The following TENM3 variants were observed in gnomAD, a reference collection of about 807,000 sequenced individuals.
TENM3 encodes teneurin transmembrane protein 3.
Under a neutral mutation model 255.1 loss-of-function variants are expected in TENM3, and 63 were observed. That is an observed-to-expected ratio of 0.25 (90% CI 0.20 to 0.30). The LOEUF is 0.30. TENM3 is among the 10% of genes least tolerant of loss of function. The pLI is 1.00. For synonymous variants in TENM3, 1,306 were observed against 1,322.3 expected, an observed-to-expected ratio of 0.99 and a Z score of 0.27; for missense variants, 2,929 against 3,461.1, an observed-to-expected ratio of 0.85 and a Z score of 3.86.
At chr4:181,906,350 C>A in the TENM3 span, 1 of 203,722 alleles carries the variant, frequency 4.9e-6, no homozygotes. Flanking sequence ...TCAAGTGTCT[C>A]CTCCTGTACG....
chr4:182,267,229 T>C (rs1759299888), intron 1 of TENM3, among the ~76,000 whole-genome samples: 1 of 152,222 alleles, frequency 6.6e-6, no homozygotes, highest in African/African-American at 2.4e-5. Flanking sequence ...GTTGAGTGTA[T>C]GCCTATGAAC....
intron 3 of TENM3, among the ~76,000 whole-genome samples, chr4:182,525,616 T>A (rs1407536155): frequency 1.3e-5 from 2 of 152,250 alleles, no homozygotes; most frequent in Admixed American, 1.3e-4. Context: ...TGTGTGTATG[T>A]ACACCCGTCC....
At chr4:181,561,717 T>A in the TENM3 span, among the ~76,000 whole-genome samples, 1 of 152,224 alleles carries the variant, frequency 6.6e-6, no homozygotes, top group East Asian at 1.9e-4. Flanking sequence ...AATGTTGGAC[T>A]TCCTATTATT....
chr4:181,696,395 T>C, the TENM3 span, among the ~76,000 whole-genome samples: 1 of 152,234 alleles, frequency 6.6e-6, no homozygotes, highest in South Asian at 2.1e-4. Flanking sequence ...AAGGGGACAT[T>C]GTCTCCAAAG....
chr4:181,581,545 T>C, the TENM3 span, among the ~76,000 whole-genome samples: 1 of 152,142 alleles, frequency 6.6e-6, no homozygotes, highest in African/African-American at 2.4e-5. Flanking sequence ...AGACATACCA[T>C]AGAAGACCAA....
chr4:182,121,646 C>T, the TENM3 span, among the ~76,000 whole-genome samples: 2 of 152,198 alleles, frequency 1.3e-5, no homozygotes, highest in African/African-American at 4.8e-5. Context: ...AATGTACATA[C>T]CTTAAGTTTT....
chr4:182,073,968 G>C, the TENM3 span, among the ~76,000 whole-genome samples: 1 of 152,240 alleles, frequency 6.6e-6, no homozygotes, highest in South Asian at 2.1e-4. Context: ...TTAAGTTTGT[G>C]GCTGGCCTTT....
chr4:181,843,278 A>G, the TENM3 span, among the ~76,000 whole-genome samples: 1 of 152,240 alleles, frequency 6.6e-6, no homozygotes, highest in Non-Finnish European at 1.5e-5. Context: ...AGAAAACACT[A>G]GAGCTTTACT....
chr4:182,376,951 G>C (rs1475869881), intron 3 of TENM3, among the ~76,000 whole-genome samples: 1 of 152,196 alleles, frequency 6.6e-6, no homozygotes, highest in Non-Finnish European at 1.5e-5. Flanking sequence ...TTGGCACTGT[G>C]TAGTCAGAAT....
the TENM3 span, among the ~76,000 whole-genome samples, chr4:181,759,587 T>C: frequency 6.6e-6 from 1 of 152,124 alleles, no homozygotes; most frequent in Non-Finnish European, 1.5e-5. Context: ...AATATAGCCA[T>C]AGAATACATA....
At chr4:181,887,648 C>T in the TENM3 span, among the ~76,000 whole-genome samples, 2 of 152,156 alleles carry the variant, frequency 1.3e-5, no homozygotes, top group African/African-American at 2.4e-5. Flanking sequence ...ATTTTAAGTT[C>T]AGTGCTTCGT....
intron 6 of TENM3, among the ~76,000 whole-genome samples, chr4:182,660,852 T>C (rs1006311590): frequency 6.6e-6 from 1 of 152,230 alleles, no homozygotes; most frequent in Non-Finnish European, 1.5e-5. Flanking sequence ...ATGTGAATTC[T>C]AGGCTAGATG....
the TENM3 span, among the ~76,000 whole-genome samples, chr4:181,924,653 T>G: frequency 6.6e-5 from 10 of 152,236 alleles, no homozygotes; most frequent in Admixed American, 3.9e-4. Flanking sequence ...TTACTTTTTT[T>G]ACATATTCAT....
chr4:182,607,983 G>A (rs192209055), intron 4 of TENM3, among the ~76,000 whole-genome samples: 101 of 152,228 alleles, frequency 6.6e-4, no homozygotes, highest in Admixed American at 6.5e-4. Flanking sequence ...CAGTGATTGC[G>A]ATTAAGCCAT....
At chr4:182,543,679 G>A (rs1295971645) in intron 3 of TENM3, among the ~76,000 whole-genome samples, 2 of 148,088 alleles carry the variant, frequency 1.4e-5, no homozygotes, top group African/African-American at 4.9e-5. Flanking sequence ...ATATATATAT[G>A]TGTGTGTATA....
chr4:182,692,354 A>G (rs1045463372), intron 12 of TENM3, among the ~76,000 whole-genome samples: 4 of 152,242 alleles, frequency 2.6e-5, no homozygotes, highest in Non-Finnish European at 5.9e-5. Context: ...TAAGTACCAA[A>G]TTTTTACTAC....
At chr4:182,277,183 G>A (rs1760059459) in intron 1 of TENM3, among the ~76,000 whole-genome samples, 1 of 152,204 alleles carries the variant, frequency 6.6e-6, no homozygotes, top group Admixed American at 6.5e-5. Flanking sequence ...ATTCTGCAGT[G>A]TGGTCAGAAT....
intron 1 of TENM3, among the ~76,000 whole-genome samples, chr4:182,236,482 T>G (rs1756907331): frequency 6.6e-6 from 1 of 152,224 alleles, no homozygotes; most frequent in Admixed American, 6.5e-5. Context: ...ATGCCTGATT[T>G]CCTTTCATGA....
the TENM3 span, among the ~76,000 whole-genome samples, chr4:181,844,899 G>A: frequency 6.6e-6 from 1 of 152,102 alleles, no homozygotes; most frequent in African/African-American, 2.4e-5. Flanking sequence ...CTTACATTAT[G>A]TATGAGTCTT....
Sources: gnomAD v4.1 joint callset for allele counts (sites outside exome capture counted in the v4.1 genomes callset) on GRCh38, gnomAD v4.1.1 for gene constraint, MANE v1.5 for transcripts, NCBI Gene and HGNC (gene_info 2026-07-23, HGNC 2026-07-21) for gene names.